Variants in ENOX1 observed in about 807,000 individuals in gnomAD.
ENOX1 encodes candidate growth-related and time keeping constitutive hydroquinone (NADH) oxidase.
Under a neutral mutation model 82.5 loss-of-function variants are expected in ENOX1, and 42 were observed. The ratio of observed to expected loss-of-function variants is 0.51; its 90% confidence interval spans 0.40 to 0.66. The LOEUF is 0.66. ENOX1 is among the 30% of genes least tolerant of loss of function. The pLI is 0.00. For missense variants in ENOX1, 608 were observed against 811.6 expected, an observed-to-expected ratio of 0.75 and a Z score of 3.05; for synonymous variants, 271 against 282.2, an observed-to-expected ratio of 0.96 and a Z score of 0.40.
chr13:43,247,691 C>A (rs914441647), intron 14 of ENOX1, among the ~76,000 whole-genome samples: 7 of 149,480 alleles, frequency 4.7e-5, no homozygotes, highest in Non-Finnish European at 1.0e-4. Context: ...CACCTGTTGT[C>A]CCCACAGAAG....
At chr13:43,350,992 CAT>C (rs1224177774) in intron 8 of ENOX1, among the ~76,000 whole-genome samples, 1 of 152,194 alleles carries the variant, frequency 6.6e-6, no homozygotes, top group African/African-American at 2.4e-5. Flanking sequence ...GGGACACACA[CAT>C]GTGTACACAC....
At chr13:43,454,417 A>C (rs1421750559) in intron 3 of ENOX1, among the ~76,000 whole-genome samples, 1 of 152,178 alleles carries the variant, frequency 6.6e-6, no homozygotes, top group Admixed American at 6.5e-5. Context: ...AACTGTAACC[A>C]GGGAGATTGA....
intron 1 of ENOX1, among the ~76,000 whole-genome samples, chr13:43,746,210 T>C (rs1440109281): frequency 6.6e-6 from 1 of 152,096 alleles, no homozygotes; most frequent in Non-Finnish European, 1.5e-5. Flanking sequence ...TTTAAAGCAA[T>C]ATACACTAAA....
At chr13:43,685,486 A>G (rs2086018757) in intron 1 of ENOX1, among the ~76,000 whole-genome samples, 1 of 152,156 alleles carries the variant, frequency 6.6e-6, no homozygotes, top group African/African-American at 2.4e-5. Flanking sequence ...TAGGTCCTCC[A>G]GCCTCTGAGC....
intron 12 of ENOX1, among the ~76,000 whole-genome samples, chr13:43,277,878 G>T (rs917351173): frequency 6.6e-6 from 1 of 152,162 alleles, no homozygotes; most frequent in Non-Finnish European, 1.5e-5. Flanking sequence ...AGGACCTCAG[G>T]AGGCACAGAG....
chr13:43,618,104 T>C (rs192281562), intron 2 of ENOX1, among the ~76,000 whole-genome samples: 143 of 152,226 alleles, frequency 9.4e-4, no homozygotes, highest in African/African-American at 3.3e-3. Context: ...GTTGAGTTCG[T>C]TGTAGATTCT....
intron 2 of ENOX1, among the ~76,000 whole-genome samples, chr13:43,559,192 G>A (rs1310525021): frequency 1.3e-5 from 2 of 152,184 alleles, no homozygotes; most frequent in Admixed American, 1.3e-4. Flanking sequence ...ACAGCATTTA[G>A]AGTTAGACAG....
chr13:43,697,586 G>A (rs1335386340), intron 1 of ENOX1, among the ~76,000 whole-genome samples: 2 of 152,168 alleles, frequency 1.3e-5, no homozygotes, highest in Non-Finnish European at 2.9e-5. Context: ...AGCCATATCA[G>A]GACAGATCAC....
intron 2 of ENOX1, among the ~76,000 whole-genome samples, chr13:43,542,589 C>T (rs2078790955): frequency 6.6e-6 from 1 of 152,122 alleles, no homozygotes; most frequent in African/African-American, 2.4e-5. Flanking sequence ...GCACCTGCCA[C>T]CACACCTGCC....
intron 1 of ENOX1, among the ~76,000 whole-genome samples, chr13:43,777,184 G>A (rs939996928): frequency 6.6e-6 from 1 of 152,170 alleles, no homozygotes; most frequent in Admixed American, 6.5e-5. Context: ...ACATTCAAGC[G>A]GCCCCTGATG....
At chr13:43,720,560 C>T (rs867397900) in intron 1 of ENOX1, among the ~76,000 whole-genome samples, 1 of 152,164 alleles carries the variant, frequency 6.6e-6, no homozygotes, top group African/African-American at 2.4e-5. Context: ...CTTGTGCAGC[C>T]ACAAAGAGCT....
intron 9 of ENOX1, among the ~76,000 whole-genome samples, chr13:43,336,754 A>G (rs774686506): frequency 1.8e-4 from 27 of 152,222 alleles, no homozygotes; most frequent in Non-Finnish European, 3.2e-4. Flanking sequence ...TTAAGGGTGG[A>G]AAGGAACTTT....
At chr13:43,239,028 T>C (rs1241800567) in intron 14 of ENOX1, among the ~76,000 whole-genome samples, 2 of 152,136 alleles carry the variant, frequency 1.3e-5, no homozygotes, top group Non-Finnish European at 2.9e-5. Context: ...CTGAGCAAGG[T>C]TCAAAGAAAT....
At chr13:43,304,116 T>C (rs563298333) in intron 11 of ENOX1, among the ~76,000 whole-genome samples, 1 of 152,304 alleles carries the variant, frequency 6.6e-6, no homozygotes, top group African/African-American at 2.4e-5. Flanking sequence ...TCCCATGAGC[T>C]CAGCTTGCCC....
intron 2 of ENOX1, among the ~76,000 whole-genome samples, chr13:43,622,845 C>T (rs951788089): frequency 5.3e-5 from 8 of 151,932 alleles, no homozygotes; most frequent in Non-Finnish European, 8.8e-5. Flanking sequence ...CTTTATCTTC[C>T]GCTACTAGGG....
chr13:43,734,371 T>A (rs1283668869), intron 1 of ENOX1, among the ~76,000 whole-genome samples: 1 of 152,204 alleles, frequency 6.6e-6, no homozygotes, highest in Non-Finnish European at 1.5e-5. Context: ...CTGTGTTAGA[T>A]GCTATAGAAC....
chr13:43,626,923 T>G (rs2082989306), intron 2 of ENOX1, among the ~76,000 whole-genome samples: 1 of 151,930 alleles, frequency 6.6e-6, no homozygotes, highest in Admixed American at 6.6e-5. Context: ...TTTGCCTGTT[T>G]CTCCTTTCTA....
At chr13:43,404,807 G>C (rs1458520203) in intron 5 of ENOX1, among the ~76,000 whole-genome samples, 3 of 152,158 alleles carry the variant, frequency 2.0e-5, no homozygotes, top group Non-Finnish European at 4.4e-5. Context: ...TGCATAGAGT[G>C]TAACAGAACT....
At chr13:43,370,090 G>A (rs148456591) in intron 5 of ENOX1, among the ~76,000 whole-genome samples, 283 of 152,300 alleles carry the variant, frequency 1.9e-3, no homozygotes, top group Middle Eastern at 0.01. Context: ...TTCTTGGGCC[G>A]GGCGCGGTGG....
Sources: allele counts gnomAD v4.1 joint callset (sites outside exome capture counted in the v4.1 genomes callset), GRCh38; gene constraint gnomAD v4.1.1; transcripts MANE v1.5; gene names NCBI Gene and HGNC (gene_info 2026-07-23, HGNC 2026-07-21).